Variants in ST6GALNAC5 observed in about 807,000 individuals in gnomAD.
ST6GALNAC5 encodes alpha-N-acetylgalactosaminide alpha-2,6-sialyltransferase 5.
ST6GALNAC5 carries 27 observed loss-of-function variants against 33.6 expected under a neutral mutation model. The observed-to-expected ratio is 0.80, with a 90% CI of 0.59 to 1.11. The LOEUF (loss-of-function observed/expected upper bound fraction) is 1.11, where lower values mean the gene tolerates loss of function less well. Among genes scored for constraint, ST6GALNAC5 ranks in the 50% least tolerant of loss-of-function variants. ST6GALNAC5 has a pLI of 0.00. For synonymous variants in ST6GALNAC5, 194 were observed against 171.2 expected, an observed-to-expected ratio of 1.13 and a Z score of -1.04; for missense variants, 428 against 454.0, an observed-to-expected ratio of 0.94 and a Z score of 0.52.
intron 2 of ST6GALNAC5, among the ~76,000 whole-genome samples, chr1:77,043,361 G>A (rs1320879766): frequency 6.6e-6 from 1 of 152,236 alleles, no homozygotes; most frequent in Non-Finnish European, 1.5e-5. Flanking sequence ...ACTGAGTGCT[G>A]CCATTGGAGT....
intron 2 of ST6GALNAC5, among the ~76,000 whole-genome samples, chr1:76,970,382 C>A (rs1021359819): frequency 2.8e-4 from 42 of 151,716 alleles, no homozygotes; most frequent in African/African-American, 9.7e-4. Flanking sequence ...GAGCTGAAAA[C>A]CATGGCACGA....
At chr1:76,983,634 C>A (rs1174868285) in intron 2 of ST6GALNAC5, among the ~76,000 whole-genome samples, 1 of 152,074 alleles carries the variant, frequency 6.6e-6, no homozygotes, top group Non-Finnish European at 1.5e-5. Context: ...TATCCAGGAC[C>A]TGAACTCAGC....
intron 2 of ST6GALNAC5, among the ~76,000 whole-genome samples, chr1:76,993,749 CTT>C: frequency 6.6e-6 from 1 of 152,292 alleles, no homozygotes. Context: ...TGGAAACACT[CTT>C]TGAATGCCTC....
At chr1:76,998,233 A>G (rs757009147) in intron 2 of ST6GALNAC5, among the ~76,000 whole-genome samples, 2 of 152,058 alleles carry the variant, frequency 1.3e-5, no homozygotes, top group Non-Finnish European at 2.9e-5. Flanking sequence ...ATACCCAAAA[A>G]ATGAAAATAA....
intron 2 of ST6GALNAC5, among the ~76,000 whole-genome samples, chr1:76,908,973 C>T (rs1183804884): frequency 1.3e-5 from 2 of 151,998 alleles, no homozygotes; most frequent in African/African-American, 4.8e-5. Flanking sequence ...TTGATTTATC[C>T]TTACTTTAAA....
At chr1:77,001,007 A>T (rs1008456143) in intron 2 of ST6GALNAC5, among the ~76,000 whole-genome samples, 1 of 151,532 alleles carries the variant, frequency 6.6e-6, no homozygotes, top group African/African-American at 2.4e-5. Flanking sequence ...ACTTTAAAGT[A>T]GTTTTTTCCA....
chr1:77,052,458 G>C (rs963774002), intron 4 of ST6GALNAC5, among the ~76,000 whole-genome samples: 1 of 152,156 alleles, frequency 6.6e-6, no homozygotes, highest in Non-Finnish European at 1.5e-5. Flanking sequence ...AGACGAACAA[G>C]CAGGTCATGG....
intron 2 of ST6GALNAC5, among the ~76,000 whole-genome samples, chr1:77,001,202 C>A (rs910859187): frequency 7.8e-6 from 1 of 127,540 alleles, no homozygotes; most frequent in Non-Finnish European, 1.7e-5. Flanking sequence ...TGAAGAGGTC[C>A]TTCACATCCC....
chr1:77,059,919 A>G (rs1652520916), intron 4 of ST6GALNAC5, among the ~76,000 whole-genome samples: 2 of 152,074 alleles, frequency 1.3e-5, no homozygotes, highest in South Asian at 4.1e-4. Context: ...TATTGGTTTT[A>G]TAATCCAATA....
intron 2 of ST6GALNAC5, among the ~76,000 whole-genome samples, chr1:76,904,387 C>A (rs1646845475): frequency 6.6e-6 from 1 of 152,146 alleles, no homozygotes; most frequent in African/African-American, 2.4e-5. Context: ...TTCATAGCAA[C>A]ACAGTTTATT....
chr1:76,981,918 A>T (rs1306525738), intron 2 of ST6GALNAC5, among the ~76,000 whole-genome samples: 2 of 152,196 alleles, frequency 1.3e-5, no homozygotes, highest in East Asian at 1.9e-4. Flanking sequence ...CAGCTGAGAG[A>T]CCTGACCGTT....
At chr1:76,870,724 A>G (rs544049824) in intron 2 of ST6GALNAC5, among the ~76,000 whole-genome samples, 1 of 152,300 alleles carries the variant, frequency 6.6e-6, no homozygotes, top group Admixed American at 6.5e-5. Context: ...TGAATGATAA[A>G]TATTGTGTGA....
intron 2 of ST6GALNAC5, among the ~76,000 whole-genome samples, chr1:76,882,595 G>A (rs1474331403): frequency 6.6e-6 from 1 of 152,206 alleles, no homozygotes; most frequent in Non-Finnish European, 1.5e-5. Flanking sequence ...GGAGGTGTCT[G>A]TAGAGTTCCT....
intron 2 of ST6GALNAC5, among the ~76,000 whole-genome samples, chr1:76,976,929 G>C (rs888703092): frequency 2.0e-5 from 3 of 151,966 alleles, no homozygotes; most frequent in South Asian, 2.1e-4. Context: ...AAATCACCTG[G>C]AGACCTTGTT....
At chr1:76,916,363 T>C (rs1172456466) in intron 2 of ST6GALNAC5, among the ~76,000 whole-genome samples, 1 of 152,202 alleles carries the variant, frequency 6.6e-6, no homozygotes, top group African/African-American at 2.4e-5. Context: ...TCTTGTTTTC[T>C]CTTTAATTCT....
In ST6GALNAC5 at chr1:76,882,739, T is replaced by C. The variant is rs570589550; in HGVS notation, c.261+13997T>C. On this transcript the variant is annotated intron_variant, in intron 2 of 4. Transcript: ENST00000477717. ...TCCATTGACTGAACTGCAAACATGA[T>C]TGCATTTCCAACTTACAGATCTTTT... Among the ~76,000 whole-genome samples, 11 of 152,288 alleles carry C rather than the reference T, an allele frequency of 7.2e-5. No individual in the cohort carries two copies. The South Asian group carries it at 1.9e-3, about 26-fold the overall frequency.
chr1:76,898,618 A>G (rs1646782929), intron 2 of ST6GALNAC5, among the ~76,000 whole-genome samples: 2 of 152,174 alleles, frequency 1.3e-5, no homozygotes, highest in African/African-American at 4.8e-5. Flanking sequence ...ATTTGATGAA[A>G]CAGCCTAAAC....
chr1:76,981,995 C>T (rs1256181414), intron 2 of ST6GALNAC5, among the ~76,000 whole-genome samples: 1 of 152,144 alleles, frequency 6.6e-6, no homozygotes. Context: ...CACACCAAAA[C>T]CCCATCCATA....
At chr1:77,023,238 G>A (rs1268011815) in intron 2 of ST6GALNAC5, among the ~76,000 whole-genome samples, 1 of 152,198 alleles carries the variant, frequency 6.6e-6, no homozygotes, top group East Asian at 1.9e-4. Context: ...CACGCAACCA[G>A]TGGTATTTTG....
Sources: allele counts gnomAD v4.1 joint callset (sites outside exome capture counted in the v4.1 genomes callset), GRCh38; gene constraint gnomAD v4.1.1; transcripts MANE v1.5; gene names NCBI Gene and HGNC (gene_info 2026-07-23, HGNC 2026-07-21).